The following SAMSN1 variants were observed in gnomAD, a reference collection of about 807,000 sequenced individuals.
The protein encoded by SAMSN1 is SAM domain-containing protein SAMSN-1.
In SAMSN1, 31 loss-of-function variants were observed where a neutral mutation model predicts 42.0. The observed-to-expected ratio is 0.74, with a 90% CI of 0.55 to 1.00. The LOEUF is 1.00. Ranked by LOEUF, SAMSN1 falls within the 50% of genes least tolerant of loss-of-function variation. SAMSN1 has a pLI of 0.00. For missense variants in SAMSN1, 464 were observed against 439.4 expected, an observed-to-expected ratio of 1.06 and a Z score of -0.50; for synonymous variants, 178 against 151.9, an observed-to-expected ratio of 1.17 and a Z score of -1.26.
At chr21:14,563,586 C>T (rs1408296840) in intron 2 of SAMSN1, among the ~76,000 whole-genome samples, 1 of 152,104 alleles carries the variant, frequency 6.6e-6, no homozygotes, top group African/African-American at 2.4e-5. Flanking sequence ...GGGTCTAGAG[C>T]CCAAGTGTCT....
chr21:14,611,956 C>T (rs1414565914), intron 4 of SAMSN1, among the ~76,000 whole-genome samples: 1 of 152,130 alleles, frequency 6.6e-6, no homozygotes, highest in Non-Finnish European at 1.5e-5. Context: ...TTATTGAGGC[C>T]AGGCATGGTG....
chr21:14,580,684 T>C (rs967627339), intron 2 of SAMSN1, among the ~76,000 whole-genome samples: 1 of 152,214 alleles, frequency 6.6e-6, no homozygotes, highest in African/African-American at 2.4e-5. Context: ...TGAACACAAG[T>C]TACTTTAATT....
At chr21:14,499,491 C>A (rs1168871153) in intron 6 of SAMSN1, among the ~76,000 whole-genome samples, 258 of 133,684 alleles carry the variant, frequency 1.9e-3, no homozygotes, top group Non-Finnish European at 2.7e-3. Context: ...CCCTTTTTAA[C>A]AAAAAAAAAA....
intron 2 of SAMSN1, among the ~76,000 whole-genome samples, chr21:14,517,410 G>A (rs1255617850): frequency 1.3e-5 from 2 of 152,166 alleles, no homozygotes; most frequent in Non-Finnish European, 2.9e-5. Context: ...CTACATAGAT[G>A]AGAAATATTT....
intron 2 of SAMSN1, among the ~76,000 whole-genome samples, chr21:14,626,532 C>T (rs1258388938): frequency 6.6e-6 from 1 of 151,544 alleles, no homozygotes; most frequent in African/African-American, 2.4e-5. Flanking sequence ...TGAAAAAATG[C>T]TCATCACTGG....
intron 6 of SAMSN1, among the ~76,000 whole-genome samples, chr21:14,600,738 T>A (rs1982406473): frequency 6.6e-6 from 1 of 152,190 alleles, no homozygotes. Flanking sequence ...GTTATTTTTC[T>A]CCTGGCCAGC....
intron 4 of SAMSN1, among the ~76,000 whole-genome samples, chr21:14,511,475 AC>A (rs1018554920): frequency 2.6e-5 from 4 of 152,344 alleles, no homozygotes; most frequent in African/African-American, 7.2e-5. Context: ...CATGCAAAAA[AC>A]ATCCTTTAAA....
intron 5 of SAMSN1, among the ~76,000 whole-genome samples, chr21:14,606,642 C>T (rs144225548): frequency 3.3e-5 from 5 of 152,190 alleles, no homozygotes; most frequent in African/African-American, 1.2e-4. Context: ...ATTAATTTCT[C>T]CTCACACCTA....
At chr21:14,566,044 A>G (rs943851883) in intron 2 of SAMSN1, among the ~76,000 whole-genome samples, 1 of 152,186 alleles carries the variant, frequency 6.6e-6, no homozygotes, top group Admixed American at 6.6e-5. Context: ...GTTATTAGTA[A>G]AGACATAATC....
intron 2 of SAMSN1, among the ~76,000 whole-genome samples, chr21:14,623,682 C>T (rs768497669): frequency 1.3e-5 from 2 of 152,172 alleles, no homozygotes; most frequent in African/African-American, 4.8e-5. Context: ...TAATGGGAGA[C>T]TTTAACACCT....
intron 1 of SAMSN1, among the ~76,000 whole-genome samples, chr21:14,541,370 A>G (rs909264657): frequency 3.3e-5 from 5 of 152,054 alleles, no homozygotes; most frequent in Admixed American, 2.0e-4. Flanking sequence ...CCATACTTGA[A>G]CCAGGCTGTA....
rs1312130738 is a variant in SAMSN1 at position 14,649,561 on chromosome 21, C to T, written c.25-6428G>A. 2.0e-5 allele frequency among the ~76,000 whole-genome samples: 3 copies of T among 152,014 alleles called. No individual in the cohort carries two copies. In the East Asian group the frequency reaches 5.8e-4, roughly 29 times the overall value. ...AAGGTGGATGGATCACCTGAGGTCA[C>T]GAGTTTCAGACCAGTCTGAAAAACC... is the stretch of plus-strand genomic sequence containing the variant. On this transcript the variant is annotated intron_variant, in intron 1 of 15. Coordinates refer to the SAMSN1 transcript ENST00000647101.
chr21:14,641,828 G>A (rs1483812054), intron 2 of SAMSN1, among the ~76,000 whole-genome samples: 1 of 152,080 alleles, frequency 6.6e-6, no homozygotes, highest in East Asian at 1.9e-4. Context: ...ATGGAGGTTA[G>A]GGTTGCTGAC....
intron 2 of SAMSN1, among the ~76,000 whole-genome samples, chr21:14,557,399 G>A (rs998410549): frequency 1.3e-5 from 2 of 152,140 alleles, no homozygotes; most frequent in Admixed American, 6.6e-5. Context: ...CTCTCCTTCA[G>A]GGACAAAGGT....
At chr21:14,645,294 A>G (rs1384104331) in intron 1 of SAMSN1, among the ~76,000 whole-genome samples, 1 of 152,208 alleles carries the variant, frequency 6.6e-6, no homozygotes, top group East Asian at 1.9e-4. Context: ...TTCCACTTCC[A>G]GCTTTCAGTA....
At chr21:14,503,630 C>CTGGTTCTTT (rs1488540544) in intron 5 of SAMSN1, among the ~76,000 whole-genome samples, 1 of 152,016 alleles carries the variant, frequency 6.6e-6, no homozygotes, top group Non-Finnish European at 1.5e-5. Flanking sequence ...GGGAATATCA[C>CTGGTTCTTT]CAGGAGAAAG....
chr21:14,656,610 A>G (rs1187075961), intron 1 of SAMSN1, among the ~76,000 whole-genome samples: 2 of 151,804 alleles, frequency 1.3e-5, no homozygotes, highest in African/African-American at 4.8e-5. Context: ...GTATAAAAGG[A>G]TATTTCTGCC....
chr21:14,549,767 T>C (rs904895729), upstream of SAMSN1, among the ~76,000 whole-genome samples: 1 of 152,106 alleles, frequency 6.6e-6, no homozygotes, highest in African/African-American at 2.4e-5. Context: ...GAGTCAATCA[T>C]AAAAGTAACT....
chr21:14,637,699 A>G (rs1983500646), intron 2 of SAMSN1, among the ~76,000 whole-genome samples: 1 of 152,090 alleles, frequency 6.6e-6, no homozygotes, highest in Non-Finnish European at 1.5e-5. Context: ...TTTGGTCATC[A>G]GTCTGTATCT....
Sources: allele counts gnomAD v4.1 joint callset (sites outside exome capture counted in the v4.1 genomes callset), GRCh38; gene constraint gnomAD v4.1.1; transcripts MANE v1.5; gene names NCBI Gene and HGNC (gene_info 2026-07-23, HGNC 2026-07-21).